The following PLCXD2 variants were observed in gnomAD, a reference collection of about 807,000 sequenced individuals.
PLCXD2 encodes phosphatidylinositol specific phospholipase C X domain containing 2.
PLCXD2 carries 21 observed loss-of-function variants against 28.6 expected under a neutral mutation model. The observed-to-expected ratio is 0.73, with a 90% CI of 0.52 to 1.06. PLCXD2 has a LOEUF of 1.06. PLCXD2 is among the 50% of genes least tolerant of loss of function. The probability of loss-of-function intolerance (pLI) is 0.00; values close to 1 mark genes in which losing one functional copy is unlikely to be tolerated. For missense variants in PLCXD2, 369 were observed against 376.7 expected (o/e 0.98, Z 0.17); for synonymous variants, 140 against 150.1 (o/e 0.93, Z 0.49).
At chr3:111,700,229 T>G (rs1941022353) in intron 1 of PLCXD2, among the ~76,000 whole-genome samples, 2 of 152,276 alleles carry the variant, frequency 1.3e-5, no homozygotes, top group South Asian at 4.1e-4. Context: ...CATTATAAAG[T>G]GCTTTCACAT....
intron 1 of PLCXD2, among the ~76,000 whole-genome samples, chr3:111,680,974 A>G (rs1293398337): frequency 6.6e-6 from 1 of 152,172 alleles, no homozygotes; most frequent in Non-Finnish European, 1.5e-5. Flanking sequence ...CAATCAGAAC[A>G]TTCATTTATT....
chr3:111,704,394 C>T (rs1178488187), intron 1 of PLCXD2, among the ~76,000 whole-genome samples: 2 of 152,050 alleles, frequency 1.3e-5, no homozygotes, highest in Non-Finnish European at 2.9e-5. Context: ...GAACCAATAA[C>T]CAAAATGAAA....
chr3:111,685,916 C>G (rs541443016), intron 1 of PLCXD2, among the ~76,000 whole-genome samples: 1 of 151,244 alleles, frequency 6.6e-6, no homozygotes, highest in Non-Finnish European at 1.5e-5. Flanking sequence ...TTAAAATGCT[C>G]CCCCCCACAA....
At chr3:111,713,119 C>G (rs1941223443) in intron 2 of PLCXD2, among the ~76,000 whole-genome samples, 1 of 152,210 alleles carries the variant, frequency 6.6e-6, no homozygotes, top group African/African-American at 2.4e-5. Context: ...GTTTTTATTT[C>G]AACTCCAAAA....
chr3:111,679,486 G>T (rs182070342), intron 1 of PLCXD2, among the ~76,000 whole-genome samples: 6 of 152,100 alleles, frequency 3.9e-5, no homozygotes, highest in Non-Finnish European at 2.9e-5. Flanking sequence ...ATCCTGAATC[G>T]CAGTAGAAGG....
chr3:111,686,769 T>C (rs6438000), intron 1 of PLCXD2, among the ~76,000 whole-genome samples: 3 of 152,298 alleles, frequency 2.0e-5, no homozygotes, highest in Admixed American at 2.0e-4. Context: ...GGCATAAGTT[T>C]CAGGAAATCT....
chr3:111,675,743 G>A (rs1466422509), intron 1 of PLCXD2, among the ~76,000 whole-genome samples: 2 of 152,140 alleles, frequency 1.3e-5, no homozygotes, highest in Non-Finnish European at 2.9e-5. Flanking sequence ...ATCACTTGAA[G>A]GGGAAATCAA....
chr3:111,704,465 T>C (rs1233519158), intron 1 of PLCXD2, among the ~76,000 whole-genome samples: 2 of 152,260 alleles, frequency 1.3e-5, no homozygotes, highest in Non-Finnish European at 2.9e-5. Flanking sequence ...TTTCTCACTG[T>C]AATTAGGAAT....
At chr3:111,723,737 T>C (rs1199914834) in intron 3 of PLCXD2, 1 of 152,212 alleles carries the variant, frequency 6.6e-6, no homozygotes, top group Non-Finnish European at 1.5e-5. Flanking sequence ...AACTCAGGCA[T>C]GTGGGACAGA....
rs199703580 is a variant in PLCXD2, at chr3:111,708,093, C to T, written c.331C>T (p.Arg111Cys). The change falls in exon 2 of 5, where the codon CGC becomes TGC. Residue 111 changes from arginine to cysteine, a missense_variant. Physicochemically the swap from Arg to Cys is radical, Grantham distance 180. Transcript: ENST00000477665. ...TCGAGAACAGCTGGAAGCTGGGATCCGCTACTTTGACCTGCGTGTGTCTTC... is the reference window on the plus strand; with the variant it reads ...TCGAGAACAGCTGGAAGCTGGGATCTGCTACTTTGACCTGCGTGTGTCTTC... The T allele has an allele frequency of 3.7e-5, 59 of 1,614,174 alleles. No homozygotes were observed. Among genetic ancestry groups the T allele is most frequent in the Middle Eastern group, 3.3e-4 (2 of 6,062 alleles).
intron 1 of PLCXD2, among the ~76,000 whole-genome samples, chr3:111,700,081 C>T (rs1941019633): frequency 6.6e-6 from 1 of 152,176 alleles, no homozygotes; most frequent in South Asian, 2.1e-4. Flanking sequence ...AGAAGCTTGT[C>T]AGCTTCCGTC....
intron 1 of PLCXD2, among the ~76,000 whole-genome samples, chr3:111,691,750 C>G (rs1217003833): frequency 6.6e-6 from 1 of 152,140 alleles, no homozygotes; most frequent in Non-Finnish European, 1.5e-5. Flanking sequence ...GTCTATGTCC[C>G]GGGCAGCCAC....
intron 1 of PLCXD2, among the ~76,000 whole-genome samples, chr3:111,706,804 C>A: frequency 8.3e-6 from 1 of 120,022 alleles, no homozygotes; most frequent in African/African-American, 3.8e-5. Context: ...ACAAAATAGA[C>A]TTTAAGGCAA....
At chr3:111,717,462 T>TA (rs1164544077) in intron 3 of PLCXD2, among the ~76,000 whole-genome samples, 1 of 152,120 alleles carries the variant, frequency 6.6e-6, no homozygotes, top group East Asian at 1.9e-4. Context: ...GCTGAGAAAA[T>TA]AAAGTAGCTC....
intron 1 of PLCXD2, among the ~76,000 whole-genome samples, chr3:111,695,765 G>A (rs4682053): frequency 0.99 from 151,319 of 152,372 alleles, 75,147 homozygotes; most frequent in Middle Eastern, 1. Context: ...GATATGCTAG[G>A]CAAAGGGATG....
chr3:111,699,038 C>T (rs1405753913), intron 1 of PLCXD2, among the ~76,000 whole-genome samples: 1 of 152,136 alleles, frequency 6.6e-6, no homozygotes, highest in Non-Finnish European at 1.5e-5. Context: ...AGTGAAGCAC[C>T]TGCAGGAACT....
At chr3:111,689,372 T>G (rs1940842614) in intron 1 of PLCXD2, among the ~76,000 whole-genome samples, 1 of 152,082 alleles carries the variant, frequency 6.6e-6, no homozygotes, top group Non-Finnish European at 1.5e-5. Context: ...TGGAGAGAGA[T>G]TTTCAGCACT....
At chr3:111,700,070 A>G (rs1478214110) in intron 1 of PLCXD2, among the ~76,000 whole-genome samples, 1 of 152,186 alleles carries the variant, frequency 6.6e-6, no homozygotes, top group Non-Finnish European at 1.5e-5. Flanking sequence ...TAGAATCAGC[A>G]AGAAGCTTGT....
intron 1 of PLCXD2, among the ~76,000 whole-genome samples, chr3:111,685,840 A>G (rs1940786908): frequency 6.6e-6 from 1 of 152,182 alleles, no homozygotes; most frequent in Non-Finnish European, 1.5e-5. Flanking sequence ...ATTGGGGTCT[A>G]TTGGACAATT....
Sources: allele counts gnomAD v4.1 joint callset (sites outside exome capture counted in the v4.1 genomes callset), GRCh38; gene constraint gnomAD v4.1.1; transcripts MANE v1.5; gene names NCBI Gene and HGNC (gene_info 2026-07-23, HGNC 2026-07-21).